The following PTK2 variants were observed in gnomAD, a reference collection of about 807,000 sequenced individuals.
PTK2 encodes the protein protein tyrosine kinase 2.
PTK2 carries 45 observed loss-of-function variants against 150.1 expected under a neutral mutation model. The ratio of observed to expected loss-of-function variants is 0.30; its 90% CI spans 0.24 to 0.38. The LOEUF is 0.38. Ranked by LOEUF, PTK2 falls within the 10% of genes least tolerant of loss-of-function variation. The pLI is 1.00. For missense variants in PTK2, 919 were observed against 1,307.3 expected (o/e 0.70, Z 4.58); for synonymous variants, 432 against 449.2 (o/e 0.96, Z 0.48).
intron 21 of PTK2, among the ~76,000 whole-genome samples, chr8:140,737,191 T>G (rs1213483822): frequency 1.3e-5 from 2 of 152,156 alleles, no homozygotes; most frequent in Non-Finnish European, 2.9e-5. Flanking sequence ...CAGCCTCCAC[T>G]ACCCAGGCTC....
rs187990056 is a variant in PTK2, at chr8:140,771,925, G to A, written c.1178-7635C>T. Among the ~76,000 whole-genome samples, 311 of 150,934 alleles carry A rather than the reference G, an allele frequency of 2.1e-3. 1 individual carries two copies. The highest frequency in any genetic ancestry group is 7.0e-3 in the African/African-American group (285 of 40,972). ...CTCCCGCGTAGCTGGGATTACAGGC[G>A]CCTGCTACCAAGCCCAGCTAATTTT... On this transcript the variant is annotated intron_variant, in intron 14 of 31. Coordinates refer to ENST00000522684, the Ensembl canonical transcript of PTK2.
intron 12 of PTK2, among the ~76,000 whole-genome samples, chr8:140,794,689 G>A (rs192663536): frequency 1.7e-3 from 263 of 152,188 alleles, no homozygotes; most frequent in African/African-American, 5.9e-3. Flanking sequence ...GCACCTCTTC[G>A]TCTTCTTTAT....
intron 4 of PTK2, among the ~76,000 whole-genome samples, chr8:140,876,231 G>A (rs922900643): frequency 6.6e-6 from 1 of 152,082 alleles, no homozygotes. Flanking sequence ...CTTCAGAGAT[G>A]ATTTTCGTTT....
At chr8:140,803,610 T>C (rs1341784630) in exon 11 of PTK2, 1 of 1,614,172 alleles carries the variant, frequency 6.2e-7, no homozygotes, top group South Asian at 1.1e-5. Context: ...GTTTGAATAC[T>C]GAATGGTTTG....
chr8:140,819,306 C>T (rs982005757), intron 8 of PTK2, among the ~76,000 whole-genome samples: 1 of 152,086 alleles, frequency 6.6e-6, no homozygotes, highest in East Asian at 1.9e-4. Flanking sequence ...TATATGTGCA[C>T]ATGACTCAGA....
intron 28 of PTK2, 57 bp from the exon 32 acceptor site, chr8:140,674,461 T>TGG: frequency 6.9e-7 from 1 of 1,448,004 alleles, no homozygotes; most frequent in Non-Finnish European, 9.5e-7. Context: ...ATTAAGAGGC[T>TGG]GGGGGCAGTG....
At chr8:140,903,026 C>T (rs1364160482) in intron 2 of PTK2, among the ~76,000 whole-genome samples, 8 of 125,276 alleles carry the variant, frequency 6.4e-5, no homozygotes, top group African/African-American at 1.2e-4. Flanking sequence ...GCCATTGCTT[C>T]TGTTGTTTTA....
chr8:140,680,845 T>C (rs2100016500), intron 27 of PTK2, among the ~76,000 whole-genome samples: 1 of 151,320 alleles, frequency 6.6e-6, no homozygotes, highest in Non-Finnish European at 1.5e-5. Flanking sequence ...CTATTTTATA[T>C]AGAAAAAATG....
intron 16 of PTK2, among the ~76,000 whole-genome samples, chr8:140,760,092 C>A (rs571753034): frequency 1.3e-5 from 2 of 151,874 alleles, no homozygotes; most frequent in African/African-American, 4.8e-5. Flanking sequence ...CGTGGTGGAG[C>A]GCGCCTGTAG....
rs1034442138 is a variant in PTK2 at position 140,974,852 on chromosome 8, C to T, written c.-122+26273G>A. Among the ~76,000 whole-genome samples the T allele has an allele frequency of 2.6e-5, 4 of 151,998 alleles. No individual in the cohort carries two copies. The South Asian group carries it at 8.3e-4, about 31-fold the overall frequency. ...CAATGTTCCCTCATCAAAGCAATCA[C>T]TAAGATATTCCAGGAAAAAAAAAAT... On this transcript the variant is annotated intron_variant, in intron 1 of 31. Coordinates refer to ENST00000522684, the Ensembl canonical transcript of PTK2.
In PTK2 at chr8:140,668,253, A is replaced by G; in HGVS notation, c.2865+16T>C. On this transcript the variant is annotated intron_variant, in intron 30 of 31. Coordinates refer to ENST00000522684, the Ensembl canonical transcript of PTK2. ...CAAGAACATTTTTGCCAGTACACAA[A>G]ATGACTCTATTTTACCTTCACCATA... 6.2e-7 allele frequency: 1 copy of G among 1,613,860 alleles called. No individual in the cohort carries two copies.
At chr8:140,775,515 T>C (rs1183501314) in intron 14 of PTK2, among the ~76,000 whole-genome samples, 1 of 151,924 alleles carries the variant, frequency 6.6e-6, no homozygotes, top group Non-Finnish European at 1.5e-5. Flanking sequence ...AGTGGGGTCC[T>C]TGATTTTTTT....
intron 31 of PTK2, among the ~76,000 whole-genome samples, chr8:140,660,306 T>C (rs1158598414): frequency 6.6e-6 from 1 of 152,214 alleles, no homozygotes; most frequent in Non-Finnish European, 1.5e-5. Context: ...TAAGATGTGC[T>C]GAAGGCCACA....
At position 140,864,416 on chromosome 8, in the gene PTK2, A is replaced by G. The variant is rs2100138071; in HGVS notation, c.363-17T>C. On this transcript the variant is annotated splice_polypyrimidine_tract_variant and intron_variant, in intron 4 of 31. Transcript: ENST00000522684. Reference sequence around the variant, plus strand: ...AATTCATATCTAAAAATAATTCACAAAACAGAACAATTAGAAATCAGTCAT... The same window carrying G: ...AATTCATATCTAAAAATAATTCACAGAACAGAACAATTAGAAATCAGTCAT... 2 of 1,413,328 alleles carry G rather than the reference A, an allele frequency of 1.4e-6. No individual in the cohort carries two copies. Among genetic ancestry groups the G allele is most frequent in the African/African-American group, 1.4e-5 (1 of 69,864 alleles). 87.5% of individuals were successfully genotyped at this position (1,413,328 alleles called of 1,614,324 possible). A position where few individuals can be genotyped will look rare whatever the true frequency, so the allele number is the denominator to read the frequency against.
intron 14 of PTK2, among the ~76,000 whole-genome samples, chr8:140,765,732 C>A (rs1312124548): frequency 1.4e-4 from 21 of 152,116 alleles, no homozygotes. Context: ...CATCTGTAGG[C>A]CTATAGCTCT....
At chr8:140,746,848 T>C in exon 18 of PTK2, 2 of 1,606,660 alleles carry the variant, frequency 1.2e-6, no homozygotes, top group Non-Finnish European at 1.7e-6. Context: ...ATGGTCAAAC[T>C]GACGCATTGT....
chr8:140,953,008 A>G (rs2100180010), intron 1 of PTK2, among the ~76,000 whole-genome samples: 1 of 152,202 alleles, frequency 6.6e-6, no homozygotes, highest in Non-Finnish European at 1.5e-5. Context: ...ATAACCCCAT[A>G]AGGGAGATTC....
chr8:140,950,538 C>T (rs937179919), intron 1 of PTK2, among the ~76,000 whole-genome samples: 3 of 152,250 alleles, frequency 2.0e-5, no homozygotes, highest in Non-Finnish European at 1.5e-5. Flanking sequence ...CACAGCTCTG[C>T]GCCTGGCTCG....
At chr8:140,688,390 A>T (rs1250646178) in intron 26 of PTK2, among the ~76,000 whole-genome samples, 1 of 152,140 alleles carries the variant, frequency 6.6e-6, no homozygotes, top group African/African-American at 2.4e-5. Flanking sequence ...TAAAAGCAAT[A>T]GTTAAATATA....
Sources: gnomAD v4.1 joint callset for allele counts (sites outside exome capture counted in the v4.1 genomes callset) on GRCh38, gnomAD v4.1.1 for gene constraint, MANE v1.5 for transcripts, NCBI Gene and HGNC (gene_info 2026-07-23, HGNC 2026-07-21) for gene names.